The following DOCK8 variants were observed in gnomAD, a reference collection of about 807,000 sequenced individuals.
The protein encoded by DOCK8 is dedicator of cytokinesis protein 8.
A neutral mutation model predicts 245.6 loss-of-function variants in DOCK8; 141 were observed. The ratio of observed to expected loss-of-function variants is 0.57; its 90% CI spans 0.50 to 0.66. The LOEUF (loss-of-function observed/expected upper bound fraction) is 0.66, where lower values mean the gene tolerates loss of function less well. Ranked by LOEUF, DOCK8 falls within the 30% of genes least tolerant of loss-of-function variation. The probability of loss-of-function intolerance (pLI) is 0.00; values close to 1 mark genes in which losing one functional copy is unlikely to be tolerated. For missense variants in DOCK8, 2,965 were observed against 2,603.4 expected, an observed-to-expected ratio of 1.14 and a Z score of -3.02; for synonymous variants, 1,168 against 970.2, an observed-to-expected ratio of 1.20 and a Z score of -3.79.
chr9:416,151 G>C (rs900718710), intron 29 of DOCK8, among the ~76,000 whole-genome samples: 2 of 152,298 alleles, frequency 1.3e-5, no homozygotes, highest in Non-Finnish European at 2.9e-5. Flanking sequence ...CAGAGTGCAA[G>C]GAAATGATAG....
Position 432,251 on chromosome 9 carries a change from GA to G in DOCK8, c.4714del (p.Arg1572AspfsTer3). ...RAPDFNEEHL[R>X]RSLRTILAYS... ...CCAGACTTTAATGAAGAGCACCTGA[GA>G]AGATCCTTGAGGACAATTTTGGCCT... On this transcript the variant is annotated frameshift_variant, in exon 37 of 48. Coordinates refer to ENST00000432829, the MANE Select transcript of DOCK8 (RefSeq NM_203447.4). LOFTEE classifies it high-confidence loss of function. 6.2e-7 allele frequency: 1 copy of G among 1,613,802 alleles called. No homozygotes were observed. The highest frequency in any genetic ancestry group is 8.5e-7 in the Non-Finnish European group (1 of 1,180,000).
At chr9:435,256 T>A (rs1176543376) in intron 39 of DOCK8, among the ~76,000 whole-genome samples, 3 of 152,202 alleles carry the variant, frequency 2.0e-5, no homozygotes, top group Non-Finnish European at 4.4e-5. Flanking sequence ...TTCTTCTAAT[T>A]GCTTTCCCAT....
chr9:396,478 C>G (rs1311998110), intron 24 of DOCK8, among the ~76,000 whole-genome samples: 2 of 152,174 alleles, frequency 1.3e-5, no homozygotes, highest in African/African-American at 2.4e-5. Context: ...TCAGGTCTGC[C>G]TTCCAGGATG....
intron 25 of DOCK8, among the ~76,000 whole-genome samples, chr9:397,927 A>G (rs566880641): frequency 2.1e-4 from 32 of 152,348 alleles, no homozygotes; most frequent in African/African-American, 6.5e-4. Context: ...TAAGTTTAAA[A>G]TTGTTTCAGA....
At chr9:289,632 C>G in intron 4 of DOCK8, 51 bp downstream of exon 4, 1 of 1,447,552 alleles carries the variant, frequency 6.9e-7, no homozygotes, top group Non-Finnish European at 9.5e-7. Flanking sequence ...TTTTATATTG[C>G]TAGTTTTTAA....
chr9:372,324 G>C (rs765690548), intron 18 of DOCK8, 38 bp downstream of exon 18: 1 of 1,543,856 alleles, frequency 6.5e-7, no homozygotes, highest in South Asian at 1.1e-5. Context: ...TTCTTGTCCA[G>C]CTGTAGTCTT....
At chr9:452,847 G>A (rs542863683) in intron 46 of DOCK8, 1 of 152,238 alleles carries the variant, frequency 6.6e-6, no homozygotes, top group South Asian at 2.1e-4. Flanking sequence ...TTAGGAACTG[G>A]GTCTTTGGTC....
intron 3 of DOCK8, among the ~76,000 whole-genome samples, chr9:287,541 T>G (rs2048872049): frequency 6.6e-6 from 1 of 152,206 alleles, no homozygotes; most frequent in Non-Finnish European, 1.5e-5. Context: ...TAGTTCTATT[T>G]TGGATTTTAT....
At chr9:423,749 A>G (rs1364332810) in intron 33 of DOCK8, among the ~76,000 whole-genome samples, 1 of 152,198 alleles carries the variant, frequency 6.6e-6, no homozygotes, top group Non-Finnish European at 1.5e-5. Context: ...GAGTCCATAC[A>G]TTCTACTTCG....
chr9:374,464 T>G (rs1192134357), intron 18 of DOCK8, among the ~76,000 whole-genome samples: 3 of 142,568 alleles, frequency 2.1e-5, no homozygotes, highest in Non-Finnish European at 3.1e-5. Context: ...TTTTTTTTTT[T>G]TTTTTTTTTT....
intron 1 of DOCK8, among the ~76,000 whole-genome samples, chr9:234,654 C>T (rs2047204209): frequency 6.6e-6 from 1 of 152,182 alleles, no homozygotes; most frequent in African/African-American, 2.4e-5. Flanking sequence ...ATTTCATCTT[C>T]CATCACTGAT....
intron 42 of DOCK8, among the ~76,000 whole-genome samples, chr9:442,633 G>A (rs2057128370): frequency 6.6e-6 from 1 of 151,192 alleles, no homozygotes; most frequent in African/African-American, 2.5e-5. Context: ...GAAAGGTCAG[G>A]ACAAAAGAAA....
chr9:405,493 A>AT (rs1445910794), intron 27 of DOCK8, among the ~76,000 whole-genome samples: 9 of 152,220 alleles, frequency 5.9e-5, no homozygotes, highest in Admixed American at 2.0e-4. Context: ...GTTCATGTCA[A>AT]TTGCAAATGC....
intron 1 of DOCK8, among the ~76,000 whole-genome samples, chr9:263,732 G>C (rs1478063618): frequency 1.3e-5 from 2 of 152,124 alleles, no homozygotes; most frequent in African/African-American, 4.8e-5. Flanking sequence ...GAAAATTCTA[G>C]ATTGTTAGTT....
At chr9:281,294 A>G (rs1213614612) in intron 2 of DOCK8, among the ~76,000 whole-genome samples, 1 of 152,034 alleles carries the variant, frequency 6.6e-6, no homozygotes, top group African/African-American at 2.4e-5. Flanking sequence ...ATTTTTTCTT[A>G]TGTTATTACA....
chr9:415,576 T>G (rs894989147), intron 29 of DOCK8, among the ~76,000 whole-genome samples: 1 of 152,152 alleles, frequency 6.6e-6, no homozygotes, highest in Non-Finnish European at 1.5e-5. Context: ...GATTAAGGAA[T>G]GTAGAGGGAA....
chr9:457,737 C>T (rs577992019), intron 46 of DOCK8, among the ~76,000 whole-genome samples: 2 of 152,338 alleles, frequency 1.3e-5, no homozygotes, highest in South Asian at 4.1e-4. Context: ...TTATCATTCT[C>T]ATATTGTACA....
chr9:399,741 A>G (rs1025334687), intron 26 of DOCK8, among the ~76,000 whole-genome samples: 5 of 152,076 alleles, frequency 3.3e-5, no homozygotes, highest in Non-Finnish European at 5.9e-5. Context: ...CATAGCAAAT[A>G]TTTCATAAAC....
At chr9:291,010 G>C (rs1417811997) in intron 4 of DOCK8, among the ~76,000 whole-genome samples, 1 of 152,136 alleles carries the variant, frequency 6.6e-6, no homozygotes, top group African/African-American at 2.4e-5. Context: ...AAAATGAATG[G>C]AAAACAAAGT....
Sources: allele counts gnomAD v4.1 joint callset (sites outside exome capture counted in the v4.1 genomes callset), GRCh38; gene constraint gnomAD v4.1.1; transcripts MANE v1.5; gene names NCBI Gene and HGNC (gene_info 2026-07-23, HGNC 2026-07-21).